BZW2: variants seen among roughly 807,000 people sequenced by gnomAD.
BZW2 encodes the protein eIF5-mimic protein 1.
Under a neutral mutation model 53.2 loss-of-function variants are expected in BZW2, and 23 were observed. The observed-to-expected ratio is 0.43, with a 90% confidence interval of 0.31 to 0.61. The LOEUF (loss-of-function observed/expected upper bound fraction) is 0.61, where lower values mean the gene tolerates loss of function less well. Among genes scored for constraint, BZW2 ranks in the 20% least tolerant of loss-of-function variants. The probability of loss-of-function intolerance (pLI) is 0.09; values close to 1 mark genes in which losing one functional copy is unlikely to be tolerated. For synonymous variants in BZW2, 227 were observed against 186.4 expected (o/e 1.22, Z -1.77); for missense variants, 409 against 503.1 (o/e 0.81, Z 1.79).
At chr7:16,685,849 G>A (rs1783099139) in intron 5 of BZW2, 56 bp from the exon 6 acceptor site, 2 of 1,477,234 alleles carry the variant, frequency 1.4e-6, no homozygotes, top group Non-Finnish European at 1.8e-6. Context: ...TCATAGACAT[G>A]GTTCCTTTTT....
At chr7:16,697,085 G>T in intron 9 of BZW2, 24 bp downstream of exon 9, 1 of 1,605,616 alleles carries the variant, frequency 6.2e-7, no homozygotes, top group South Asian at 1.1e-5. Flanking sequence ...GCAAGGAACT[G>T]ACCCAGCCAA....
intron 2 of BZW2, among the ~76,000 whole-genome samples, chr7:16,672,592 C>G (rs1413582557): frequency 6.6e-6 from 1 of 152,168 alleles, no homozygotes; most frequent in Non-Finnish European, 1.5e-5. Flanking sequence ...CTTTGCTCCT[C>G]TCTCCTCACA....
rs115647076 is a variant in BZW2, at chr7:16,681,086, G to A, written c.236-215G>A. ...GCCATTGCACAATTGTCACAGCCTG[G>A]GTGACAGAGTGTGACTCCATCTCAA... On this transcript the variant is annotated intron_variant, in intron 3 of 11. Coordinates refer to ENST00000258761, the MANE Select transcript of BZW2 (RefSeq NM_014038.3). 6.2e-3 allele frequency among the ~76,000 whole-genome samples: 938 copies of A among 152,202 alleles called. 13 individuals are homozygous for A. The highest frequency in any genetic ancestry group is 0.022 in the African/African-American group (906 of 41,532).
intron 2 of BZW2, among the ~76,000 whole-genome samples, chr7:16,667,403 A>G (rs2128355335): frequency 6.6e-6 from 1 of 152,362 alleles, no homozygotes; most frequent in Non-Finnish European, 1.5e-5. Flanking sequence ...AAAAATATTT[A>G]AGGAAGTATG....
intron 8 of BZW2, chr7:16,695,768 C>G (rs1783463502): frequency 6.6e-6 from 1 of 152,192 alleles, no homozygotes; most frequent in Admixed American, 6.5e-5. Flanking sequence ...ATGCTCCAAG[C>G]CCTGCTTGGC....
In BZW2 at chr7:16,694,855, C is replaced by T; in HGVS notation, c.673C>T (p.Gln225Ter). The part of the protein sequence containing the change: ...RLLELFPVNR[Q>*]SVDHFAKYFT... ...TCAGGAACTCTTTCCAGTTAACAGA[C>T]AGAGTGTGGATCATTTTGCTAAATA... The change falls in exon 8 of 12, where the codon CAG becomes TAG. Residue 225 changes from glutamine (Q) to a stop codon, truncating the protein, a stop_gained. Transcript: ENST00000258761. LOFTEE classifies it high-confidence loss of function. The T allele has an allele frequency of 6.5e-7, 1 of 1,529,726 alleles. No homozygotes were observed. Among genetic ancestry groups the T allele is most frequent in the Non-Finnish European group, 8.9e-7 (1 of 1,119,704 alleles). 94.8% of individuals were successfully genotyped at this position (1,529,726 alleles called of 1,614,324 possible). A position where few individuals can be genotyped will look rare whatever the true frequency, so the allele number is the denominator to read the frequency against.
At position 16,698,170 on chromosome 7, in the gene BZW2, G is replaced by C; in HGVS notation, c.1092G>C (p.Val364=). 1.9e-6 allele frequency: 3 copies of C among 1,614,148 alleles called. No homozygotes were observed. The highest frequency in any genetic ancestry group is 2.5e-6 in the Non-Finnish European group (3 of 1,180,008). ...IHFMKAFQKI[V]VLFYKADVLS... ...TCATGAAAGCCTTTCAGAAGATTGT[G>C]GTTCTCTTTTATAAAGGTATCCATC... Residue 364 remains valine, a synonymous_variant, in exon 10 of 12, where the codon GTG becomes GTC. Transcript: ENST00000258761.
chr7:16,664,476 A>C (rs1378527415), intron 1 of BZW2, among the ~76,000 whole-genome samples: 1 of 152,234 alleles, frequency 6.6e-6, no homozygotes, highest in Non-Finnish European at 1.5e-5. Flanking sequence ...AAAGAGAGGC[A>C]GGAACAGAGC....
chr7:16,655,166 C>T (rs1782090717), intron 1 of BZW2, among the ~76,000 whole-genome samples: 1 of 152,138 alleles, frequency 6.6e-6, no homozygotes, highest in Admixed American at 6.6e-5. Context: ...CTCTATCAAA[C>T]AAGGAAATTT....
At chr7:16,695,115 A>T (rs1783438068) in intron 8 of BZW2, 111 bp downstream of exon 8, 3 of 993,890 alleles carry the variant, frequency 3.0e-6, no homozygotes, top group Non-Finnish European at 4.1e-6. Context: ...ATTGCTGTAA[A>T]CTTTGTCCAC....
chr7:16,664,881 C>T (rs1299317874), intron 1 of BZW2, among the ~76,000 whole-genome samples: 6 of 151,504 alleles, frequency 4.0e-5, no homozygotes, highest in Non-Finnish European at 8.8e-5. Context: ...AAATTTTCCT[C>T]AAAGTATTTC....
At chr7:16,666,849 A>G (rs1317607059) in intron 2 of BZW2, among the ~76,000 whole-genome samples, 3 of 152,160 alleles carry the variant, frequency 2.0e-5, no homozygotes, top group Non-Finnish European at 4.4e-5. Context: ...AGCTGGGTTC[A>G]AGCGATGTTC....
At chr7:16,655,730 C>A (rs1340305084) in intron 1 of BZW2, among the ~76,000 whole-genome samples, 1 of 152,092 alleles carries the variant, frequency 6.6e-6, no homozygotes, top group African/African-American at 2.4e-5. Flanking sequence ...TTCTGTGATA[C>A]CAACTTTTTT....
intron 3 of BZW2, among the ~76,000 whole-genome samples, chr7:16,676,122 A>G (rs2128359346): frequency 6.6e-6 from 1 of 152,326 alleles, no homozygotes; most frequent in South Asian, 2.1e-4. Flanking sequence ...AAATTTTGAG[A>G]CTGGGTGACA....
At chr7:16,654,509 A>ACCC (rs201245130) in intron 1 of BZW2, among the ~76,000 whole-genome samples, 1 of 119,618 alleles carries the variant, frequency 8.4e-6, no homozygotes, top group African/African-American at 3.0e-5. Flanking sequence ...TCTGTATATA[A>ACCC]CCCCCCCCCC....
intron 4 of BZW2, among the ~76,000 whole-genome samples, chr7:16,681,876 C>G (rs10234331): frequency 6.6e-6 from 1 of 151,904 alleles, no homozygotes; most frequent in Non-Finnish European, 1.5e-5. Flanking sequence ...TTTTTTTAAC[C>G]TCTCTTGTGG....
intron 1 of BZW2, among the ~76,000 whole-genome samples, chr7:16,656,445 T>A (rs1405696236): frequency 1.3e-5 from 2 of 152,122 alleles, no homozygotes; most frequent in Non-Finnish European, 2.9e-5. Context: ...GGTTAAGGTA[T>A]GGTCTTGTTT....
intron 2 of BZW2, 128 bp from the exon 3 acceptor site, chr7:16,674,284 A>G: frequency 1.6e-6 from 1 of 623,362 alleles, no homozygotes; most frequent in Non-Finnish European, 2.6e-6. Flanking sequence ...ATATTCTCGT[A>G]CATTCTTTGG....
intron 1 of BZW2, among the ~76,000 whole-genome samples, chr7:16,664,958 T>C (rs951381432): frequency 2.6e-5 from 4 of 152,166 alleles, no homozygotes; most frequent in Admixed American, 6.5e-5. Context: ...TTGCCAACAC[T>C]GAGTATTAGT....
Sources: gnomAD v4.1 joint callset for allele counts (sites outside exome capture counted in the v4.1 genomes callset) on GRCh38, gnomAD v4.1.1 for gene constraint, MANE v1.5 for transcripts, NCBI Gene and HGNC (gene_info 2026-07-23, HGNC 2026-07-21) for gene names.